PRKD1: variants seen among roughly 807,000 people sequenced by gnomAD.
The protein encoded by PRKD1 is serine/threonine-protein kinase D1.
Under a neutral mutation model 95.9 loss-of-function variants are expected in PRKD1, and 63 were observed. That is an observed-to-expected ratio of 0.66 (90% CI 0.54 to 0.81). The LOEUF (loss-of-function observed/expected upper bound fraction) is 0.81, where lower values mean the gene tolerates loss of function less well. PRKD1 is among the 30% of genes least tolerant of loss of function. The pLI, the probability that PRKD1 is intolerant of heterozygous loss-of-function variation, is 0.00. For synonymous variants in PRKD1, 425 were observed against 423.1 expected, an observed-to-expected ratio of 1.00 and a Z score of -0.05; for missense variants, 1,048 against 1,165.3, an observed-to-expected ratio of 0.90 and a Z score of 1.47.
At chr14:29,839,714 C>G (rs1253894345) in intron 1 of PRKD1, among the ~76,000 whole-genome samples, 1 of 152,008 alleles carries the variant, frequency 6.6e-6, no homozygotes, top group African/African-American at 2.4e-5. Flanking sequence ...GCAGAGGTTT[C>G]CAAACCTCTG....
chr14:29,612,619 A>AGAT (rs1444760276), intron 13 of PRKD1, among the ~76,000 whole-genome samples: 1 of 152,172 alleles, frequency 6.6e-6, no homozygotes, highest in Non-Finnish European at 1.5e-5. Flanking sequence ...ACGATGATTT[A>AGAT]ACTTCTGACA....
At chr14:29,728,082 G>A (rs2139401769) in intron 1 of PRKD1, among the ~76,000 whole-genome samples, 1 of 152,102 alleles carries the variant, frequency 6.6e-6, no homozygotes, top group East Asian at 1.9e-4. Context: ...AGTGGGTGCA[G>A]CGCACCAGCA....
chr14:29,675,280 T>TTAA (rs1282353280), intron 2 of PRKD1, among the ~76,000 whole-genome samples: 10 of 152,192 alleles, frequency 6.6e-5, no homozygotes, highest in African/African-American at 2.4e-4. Context: ...GATAATAACT[T>TTAA]ATATAAAGTA....
At chr14:29,736,284 A>G (rs1034336163) in intron 1 of PRKD1, among the ~76,000 whole-genome samples, 2 of 152,210 alleles carry the variant, frequency 1.3e-5, no homozygotes, top group Non-Finnish European at 2.9e-5. Context: ...AATCCGTTTT[A>G]TTGAACATAA....
chr14:29,625,665 A>G (rs185792612), intron 12 of PRKD1, among the ~76,000 whole-genome samples: 65 of 152,316 alleles, frequency 4.3e-4, no homozygotes, highest in African/African-American at 1.4e-3. Flanking sequence ...TTTCTCATCA[A>G]AGAAATCACT....
At chr14:29,702,429 C>T (rs910923767) in intron 2 of PRKD1, among the ~76,000 whole-genome samples, 2 of 152,026 alleles carry the variant, frequency 1.3e-5, no homozygotes, top group Non-Finnish European at 2.9e-5. Context: ...AATTCTTTCT[C>T]ACTTCCCTGT....
intron 4 of PRKD1, among the ~76,000 whole-genome samples, chr14:29,649,534 A>C (rs1456906051): frequency 6.6e-6 from 1 of 151,828 alleles, no homozygotes; most frequent in East Asian, 1.9e-4. Context: ...GAGAGTTTGT[A>C]ATAAGCTGTT....
intron 16 of PRKD1, among the ~76,000 whole-genome samples, chr14:29,586,029 G>C (rs1892912191): frequency 6.6e-6 from 1 of 152,176 alleles, no homozygotes; most frequent in Non-Finnish European, 1.5e-5. Flanking sequence ...TAGTTCTGAG[G>C]TGGGGCCTGA....
At chr14:29,659,530 C>T (rs892750900) in intron 4 of PRKD1, among the ~76,000 whole-genome samples, 8 of 152,222 alleles carry the variant, frequency 5.3e-5, no homozygotes, top group Admixed American at 3.9e-4. Flanking sequence ...TTTAGCTTTA[C>T]GAGATAACTG....
At position 29,846,860 on chromosome 14, in the gene PRKD1, T is replaced by C. The variant is rs555588182; in HGVS notation, c.264+80389A>G. On this transcript the variant is annotated intron_variant, in intron 1 of 17. Transcript: ENST00000331968. ...CAGCTGAAAGCACTTGCTGATGAAC[T>C]GGATATGGGATAAATGTGAAAGAGA... Among the ~76,000 whole-genome samples the C allele has an allele frequency of 7.6e-4, 115 of 152,250 alleles. No individual in the cohort carries two copies. In the South Asian group the frequency reaches 0.021, roughly 28 times the overall value.
chr14:29,712,043 A>G (rs1269665132), intron 2 of PRKD1, among the ~76,000 whole-genome samples: 1 of 152,182 alleles, frequency 6.6e-6, no homozygotes, highest in Non-Finnish European at 1.5e-5. Context: ...ATTGCAAACT[A>G]TCCAACTTTC....
intron 2 of PRKD1, among the ~76,000 whole-genome samples, chr14:29,683,172 C>T (rs1883633467): frequency 6.6e-6 from 1 of 152,002 alleles, no homozygotes; most frequent in African/African-American, 2.4e-5. Flanking sequence ...GGACACTGGT[C>T]AGAAAGAGTT....
chr14:29,593,281 G>T (rs1028128457), intron 16 of PRKD1, among the ~76,000 whole-genome samples: 4 of 152,066 alleles, frequency 2.6e-5, no homozygotes, highest in Non-Finnish European at 5.9e-5. Flanking sequence ...CATTTGCTAA[G>T]TTTTCTTCAA....
intron 2 of PRKD1, among the ~76,000 whole-genome samples, chr14:29,673,828 C>A (rs958028580): frequency 6.6e-6 from 1 of 152,110 alleles, no homozygotes; most frequent in Non-Finnish European, 1.5e-5. Flanking sequence ...TTTGCTAGTA[C>A]CTTTCTATTC....
At chr14:29,641,898 CTTTT>C (rs751584936) in intron 4 of PRKD1, among the ~76,000 whole-genome samples, 154 of 116,684 alleles carry the variant, frequency 1.3e-3, no homozygotes, top group African/African-American at 4.8e-3. Context: ...AAAAATATTT[CTTTT>C]TTTTTTTTTT....
At chr14:29,630,226 G>A (rs966258418) in intron 10 of PRKD1, among the ~76,000 whole-genome samples, 3 of 151,956 alleles carry the variant, frequency 2.0e-5, no homozygotes, top group Admixed American at 6.6e-5. Context: ...TGCAACCTAT[G>A]CTTCCTGAGC....
At chr14:29,639,383 G>T (rs1294337240) in intron 4 of PRKD1, among the ~76,000 whole-genome samples, 1 of 152,154 alleles carries the variant, frequency 6.6e-6, no homozygotes, top group Non-Finnish European at 1.5e-5. Context: ...ACTTTGGGAG[G>T]CCAAGGCGGG....
intron 1 of PRKD1, among the ~76,000 whole-genome samples, chr14:29,744,893 T>C (rs938672855): frequency 4.6e-5 from 7 of 152,162 alleles, no homozygotes; most frequent in African/African-American, 1.7e-4. Context: ...CTCCAACAGC[T>C]TCCCTTCACA....
intron 4 of PRKD1, among the ~76,000 whole-genome samples, chr14:29,649,896 C>A (rs144286039): frequency 2.6e-5 from 4 of 152,262 alleles, no homozygotes; most frequent in African/African-American, 9.6e-5. Flanking sequence ...ACCTGGTTGG[C>A]CTTACGCTTT....
Sources: gnomAD v4.1 joint callset for allele counts (sites outside exome capture counted in the v4.1 genomes callset) on GRCh38, gnomAD v4.1.1 for gene constraint, MANE v1.5 for transcripts, NCBI Gene and HGNC (gene_info 2026-07-23, HGNC 2026-07-21) for gene names.